BMPR1B: variants seen among roughly 807,000 people sequenced by gnomAD.
BMPR1B encodes bone morphogenetic protein receptor type-1B.
In BMPR1B, 12 loss-of-function variants were observed where a neutral mutation model predicts 59.1. The observed-to-expected ratio is 0.20, with a 90% CI of 0.13 to 0.33. The LOEUF is 0.33. BMPR1B is among the 10% of genes least tolerant of loss of function. The pLI is 1.00. For missense variants in BMPR1B, 550 were observed against 610.9 expected (o/e 0.90, Z 1.05); for synonymous variants, 237 against 207.3 (o/e 1.14, Z -1.23).
chr4:94,776,892 T>C (rs958632058), intron 1 of BMPR1B, among the ~76,000 whole-genome samples: 12 of 152,212 alleles, frequency 7.9e-5, no homozygotes, highest in African/African-American at 2.9e-4. Context: ...TTTTGATATA[T>C]TTCCTTTATC....
chr4:94,821,385 A>T (rs1724202579), intron 1 of BMPR1B, among the ~76,000 whole-genome samples: 3 of 152,150 alleles, frequency 2.0e-5, no homozygotes, highest in Admixed American at 6.5e-5. Flanking sequence ...GTTTTCTCAG[A>T]AAATAATTTT....
At chr4:94,770,430 A>G (rs1309026681) in intron 1 of BMPR1B, among the ~76,000 whole-genome samples, 2 of 151,978 alleles carry the variant, frequency 1.3e-5, no homozygotes, top group East Asian at 1.9e-4. Flanking sequence ...CCTTTTCATG[A>G]TAACTAAGGC....
At chr4:94,915,516 T>A (rs3775014) in intron 2 of BMPR1B, among the ~76,000 whole-genome samples, 1 of 152,156 alleles carries the variant, frequency 6.6e-6, no homozygotes, top group African/African-American at 2.4e-5. Flanking sequence ...TAAACATAGT[T>A]TGAACAAAAG....
At chr4:94,912,947 G>A (rs1728342310) in intron 2 of BMPR1B, among the ~76,000 whole-genome samples, 2 of 147,590 alleles carry the variant, frequency 1.4e-5, no homozygotes, top group Non-Finnish European at 3.0e-5. Context: ...TTCATTTCTA[G>A]CTGTCATGGT....
At chr4:94,916,814 C>T (rs1578799227) in intron 2 of BMPR1B, among the ~76,000 whole-genome samples, 1 of 152,238 alleles carries the variant, frequency 6.6e-6, no homozygotes, top group Non-Finnish European at 1.5e-5. Flanking sequence ...GGGGAAAAGG[C>T]CTCTAAGGCA....
At chr4:94,831,416 ATATT>A (rs1218984357) in intron 1 of BMPR1B, among the ~76,000 whole-genome samples, 1 of 152,144 alleles carries the variant, frequency 6.6e-6, no homozygotes, top group Non-Finnish European at 1.5e-5. Flanking sequence ...TTAAAGAAAA[ATATT>A]TATAACATAG....
chr4:94,980,910 G>C (rs554096939), intron 2 of BMPR1B, among the ~76,000 whole-genome samples: 1 of 152,038 alleles, frequency 6.6e-6, no homozygotes, highest in African/African-American at 2.4e-5. Flanking sequence ...CAGGAGAATC[G>C]CTTGAACCCA....
chr4:94,989,296 A>G (rs1331434749), intron 2 of BMPR1B, among the ~76,000 whole-genome samples: 1 of 151,840 alleles, frequency 6.6e-6, no homozygotes, highest in Non-Finnish European at 1.5e-5. Context: ...GGCTGAGGCA[A>G]GAGACTCACT....
intron 1 of BMPR1B, among the ~76,000 whole-genome samples, chr4:94,765,601 A>G (rs1560805395): frequency 1.3e-5 from 2 of 152,228 alleles, no homozygotes; most frequent in Non-Finnish European, 2.9e-5. Flanking sequence ...GAGAGGGGAC[A>G]TAATTTAATC....
chr4:94,805,698 G>A (rs936415814), intron 1 of BMPR1B, among the ~76,000 whole-genome samples: 16 of 152,244 alleles, frequency 1.1e-4, no homozygotes, highest in Admixed American at 2.0e-4. Flanking sequence ...AATTACTAGG[G>A]GGTATAGTGT....
At chr4:95,084,247 A>G (rs928668951) in intron 3 of BMPR1B, among the ~76,000 whole-genome samples, 7 of 150,890 alleles carry the variant, frequency 4.6e-5, no homozygotes, top group African/African-American at 1.7e-4. Flanking sequence ...AAAAAATTTT[A>G]TATATTTTAT....
At chr4:94,920,488 T>G (rs1728647345) in intron 2 of BMPR1B, among the ~76,000 whole-genome samples, 1 of 152,158 alleles carries the variant, frequency 6.6e-6, no homozygotes, top group Non-Finnish European at 1.5e-5. Flanking sequence ...TACATTGGCT[T>G]TTTGCAAAGG....
chr4:94,950,696 C>G (rs549851516), intron 2 of BMPR1B, among the ~76,000 whole-genome samples: 1 of 152,090 alleles, frequency 6.6e-6, no homozygotes, highest in East Asian at 1.9e-4. Context: ...TACTACAGCC[C>G]TGTAGTATAG....
At chr4:95,015,553 T>G (rs950165469) in intron 3 of BMPR1B, among the ~76,000 whole-genome samples, 3 of 152,104 alleles carry the variant, frequency 2.0e-5, no homozygotes, top group Non-Finnish European at 2.9e-5. Flanking sequence ...ACCAGACTCA[T>G]TTTTTAATTT....
intron 3 of BMPR1B, among the ~76,000 whole-genome samples, chr4:95,019,865 C>T (rs1329054173): frequency 6.6e-6 from 1 of 152,036 alleles, no homozygotes; most frequent in Non-Finnish European, 1.5e-5. Flanking sequence ...ATAAATCGTC[C>T]TCAAGTGGTG....
At chr4:94,910,531 T>A (rs1429168071) in intron 2 of BMPR1B, among the ~76,000 whole-genome samples, 1 of 152,124 alleles carries the variant, frequency 6.6e-6, no homozygotes, top group Non-Finnish European at 1.5e-5. Flanking sequence ...AACATAAGTT[T>A]GGATGTTCAG....
intron 2 of BMPR1B, among the ~76,000 whole-genome samples, chr4:94,953,109 C>T (rs1730010673): frequency 6.6e-6 from 1 of 151,938 alleles, no homozygotes; most frequent in East Asian, 1.9e-4. Context: ...TTTCCATTTG[C>T]TTGGTAGATC....
rs188064234 is a variant in BMPR1B at position 94,831,345 on chromosome 4, A to T, written c.-182-44486A>T. On this transcript the variant is annotated intron_variant, in intron 1 of 12. Coordinates refer to ENST00000515059, the MANE Select transcript of BMPR1B (RefSeq NM_001203.3). ...GTGTTTTAAGCTAAATGTTCCTGCA[A>T]AAGTGTCAGAAAGTTACAAAATTAT... Among the ~76,000 whole-genome samples the T allele has an allele frequency of 4.2e-4, 64 of 151,288 alleles. 3 individuals carry two copies. Among genetic ancestry groups the T allele is most frequent in the Admixed American group, 4.1e-3 (63 of 15,192 alleles).
At chr4:95,029,587 G>T (rs1380394282) in intron 3 of BMPR1B, among the ~76,000 whole-genome samples, 1 of 152,146 alleles carries the variant, frequency 6.6e-6, no homozygotes, top group East Asian at 1.9e-4. Flanking sequence ...GTGTGCATGT[G>T]TCTTTATAGC....
Sources: allele counts gnomAD v4.1 joint callset (sites outside exome capture counted in the v4.1 genomes callset), GRCh38; gene constraint gnomAD v4.1.1; transcripts MANE v1.5; gene names NCBI Gene and HGNC (gene_info 2026-07-23, HGNC 2026-07-21).